SPAG6: variants seen among roughly 807,000 people sequenced by gnomAD.
The protein encoded by SPAG6 is sperm-associated antigen 6.
A neutral mutation model predicts 58.5 loss-of-function variants in SPAG6; 49 were observed. The ratio of observed to expected loss-of-function variants is 0.84; its 90% CI spans 0.67 to 1.06. The LOEUF is 1.06. SPAG6 is among the 50% of genes least tolerant of loss of function. The pLI, the probability that SPAG6 is intolerant of heterozygous loss-of-function variation, is 0.00. For missense variants in SPAG6, 560 were observed against 611.3 expected, an observed-to-expected ratio of 0.92 and a Z score of 0.89; for synonymous variants, 233 against 225.6, an observed-to-expected ratio of 1.03 and a Z score of -0.29.
At chr10:22,351,679 G>C (rs1232931948) in intron 2 of SPAG6, among the ~76,000 whole-genome samples, 5 of 152,150 alleles carry the variant, frequency 3.3e-5, no homozygotes, top group Non-Finnish European at 7.4e-5. Context: ...TTGAGTGGTT[G>C]TACTAGCCTT....
chr10:22,346,430 G>C (rs971383077), intron 2 of SPAG6, among the ~76,000 whole-genome samples: 14 of 95,920 alleles, frequency 1.5e-4, no homozygotes, highest in Admixed American at 6.6e-4. Flanking sequence ...AGAGAAAATG[G>C]TTCTTCTTCT....
At position 22,391,913 on chromosome 10, in the gene SPAG6, A is replaced by G. The variant is rs780069848; in HGVS notation, c.1190A>G (p.Gln397Arg). The G allele has an allele frequency of 6.2e-7, 1 of 1,606,384 alleles. No individual in the cohort carries two copies. Among genetic ancestry groups the G allele is most frequent in the South Asian group, 1.1e-5 (1 of 90,534 alleles). ...TCAACAGAAAGTTCTGAGGATCTCC[A>G]AGTAAAAGTAAGTGCTTAATTCTGT... ...YMSTESSEDLQVKSKKAIKNI... is the reference protein window; with the variant it reads ...YMSTESSEDLRVKSKKAIKNI... Residue 397 changes from glutamine (Q) to arginine (R), a missense_variant, in exon 8 of 11, where the codon CAA (glutamine) becomes CGA (arginine). Gln to Arg is a conservative substitution (Grantham distance 43). Transcript: ENST00000376624.
At chr10:22,380,975 C>T (rs922313583) in intron 4 of SPAG6, among the ~76,000 whole-genome samples, 17 of 151,834 alleles carry the variant, frequency 1.1e-4, no homozygotes, top group Non-Finnish European at 2.2e-4. Flanking sequence ...CACTTGTTTG[C>T]TCAAATTCTT....
chr10:22,385,875 T>C (rs181503082), intron 4 of SPAG6, among the ~76,000 whole-genome samples: 1 of 152,176 alleles, frequency 6.6e-6, no homozygotes, highest in East Asian at 1.9e-4. Context: ...ATTCCAGAAA[T>C]GGGTGTCTGT....
intron 4 of SPAG6, among the ~76,000 whole-genome samples, chr10:22,380,871 G>T (rs1178143678): frequency 6.6e-6 from 1 of 151,778 alleles, no homozygotes; most frequent in Non-Finnish European, 1.5e-5. Context: ...TTCCAGAGGA[G>T]TTTTTTTTAA....
At chr10:22,365,977 A>G (rs1455744719) in intron 3 of SPAG6, among the ~76,000 whole-genome samples, 2 of 152,202 alleles carry the variant, frequency 1.3e-5, no homozygotes, top group African/African-American at 4.8e-5. Context: ...GGAATGTAAA[A>G]TGGGGGAAAC....
chr10:22,356,711 T>C (rs1428867931), intron 2 of SPAG6, among the ~76,000 whole-genome samples: 2 of 152,254 alleles, frequency 1.3e-5, no homozygotes, highest in South Asian at 4.1e-4. Context: ...CTTCTGAATA[T>C]CTCCTTAGAC....
At chr10:22,412,204 T>C (rs1012919979) in intron 10 of SPAG6, among the ~76,000 whole-genome samples, 12 of 152,152 alleles carry the variant, frequency 7.9e-5, no homozygotes, top group African/African-American at 2.9e-4. Flanking sequence ...TAAAGGCATA[T>C]TTATCTGTAT....
At position 22,401,195 on chromosome 10, in the gene SPAG6, G is replaced by T; in HGVS notation, c.1232G>T (p.Cys411Phe). 9 of 1,602,450 alleles carry T rather than the reference G, an allele frequency of 5.6e-6. 1 individual carries two copies. The highest frequency in any genetic ancestry group is 7.7e-6 in the Non-Finnish European group (9 of 1,169,720). ...GCCATAAAGAATATCCTGCAAAAAT[G>T]TACCTACTTACCAGCCCTTGAACCA... is the stretch of plus-strand genomic sequence containing the variant. ...KKAIKNILQK[C>F]TYLPALEPFL... Residue 411 changes from cysteine to phenylalanine, a missense_variant, in exon 9 of 11, where the codon TGT becomes TTT. Transcript: ENST00000376624.
At chr10:22,346,430 G>GTTCCTCTTC (rs1836531776) in intron 2 of SPAG6, among the ~76,000 whole-genome samples, 1 of 95,920 alleles carries the variant, frequency 1.0e-5, no homozygotes, top group Non-Finnish European at 2.2e-5. Flanking sequence ...AGAGAAAATG[G>GTTCCTCTTC]TTCTTCTTCT....
chr10:22,379,329 A>G (rs2132070320), intron 4 of SPAG6, among the ~76,000 whole-genome samples: 1 of 152,244 alleles, frequency 6.6e-6, no homozygotes, highest in Non-Finnish European at 1.5e-5. Context: ...TCTTATTCAC[A>G]TCCTTGTGTA....
chr10:22,355,144 A>G (rs1468342457), intron 2 of SPAG6, among the ~76,000 whole-genome samples: 1 of 152,214 alleles, frequency 6.6e-6, no homozygotes, highest in East Asian at 1.9e-4. Flanking sequence ...ATACATTCCA[A>G]ACCTGGCACA....
At chr10:22,409,421 G>T (rs1303544273) in intron 9 of SPAG6, among the ~76,000 whole-genome samples, 1 of 152,122 alleles carries the variant, frequency 6.6e-6, no homozygotes, top group Non-Finnish European at 1.5e-5. Context: ...TTTGTTAAAT[G>T]CCTACATGTA....
chr10:22,375,416 T>A (rs918333030), intron 4 of SPAG6, among the ~76,000 whole-genome samples: 1 of 152,136 alleles, frequency 6.6e-6, no homozygotes, highest in Non-Finnish European at 1.5e-5. Flanking sequence ...TTCCCATAGA[T>A]TTTTAAATCC....
intron 8 of SPAG6, among the ~76,000 whole-genome samples, chr10:22,400,724 C>A (rs531652345): frequency 6.6e-6 from 1 of 151,946 alleles, no homozygotes; most frequent in Non-Finnish European, 1.5e-5. Context: ...GCCATGAAGT[C>A]ATGGAGAATA....
intron 2 of SPAG6, among the ~76,000 whole-genome samples, chr10:22,362,132 ATATT>A (rs1322084073): frequency 6.9e-5 from 10 of 145,542 alleles, no homozygotes; most frequent in African/African-American, 2.5e-4. Context: ...TGTATTTTAT[ATATT>A]TATTTTATGT....
In SPAG6 at chr10:22,389,262, T is replaced by A. The variant is rs756774841; in HGVS notation, c.955T>A (p.Tyr319Asn). 6 of 1,612,698 alleles carry A rather than the reference T, an allele frequency of 3.7e-6. No individual in the cohort carries two copies. In the East Asian group the frequency reaches 1.1e-4, roughly 30 times the overall value. ...TRLPGIMMLG[Y>N]VAAHSENLAM... Reference sequence around the variant, plus strand: ...GCTGCCTGGCATCATGATGCTTGGTTATGTAGCAGCTCATTCTGAGAACCT... The same window carrying A: ...GCTGCCTGGCATCATGATGCTTGGTAATGTAGCAGCTCATTCTGAGAACCT... The change falls in exon 7 of 11, where the codon TAT (tyrosine) becomes AAT (asparagine). Residue 319 changes from tyrosine to asparagine, a missense_variant. Physicochemically the swap from Tyr to Asn is moderately radical, Grantham distance 143. Transcript: ENST00000376624.
intron 4 of SPAG6, among the ~76,000 whole-genome samples, chr10:22,371,547 G>A (rs772861796): frequency 2.8e-4 from 42 of 152,152 alleles, no homozygotes; most frequent in Admixed American, 2.2e-3. Context: ...TACTGCGTCC[G>A]GCTTTTGTTT....
At chr10:22,408,650 G>A (rs1470024965) in intron 9 of SPAG6, among the ~76,000 whole-genome samples, 2 of 152,168 alleles carry the variant, frequency 1.3e-5, no homozygotes, top group Non-Finnish European at 2.9e-5. Flanking sequence ...TCCTTGAGCT[G>A]TGGTGGGCTG....
Sources: allele counts gnomAD v4.1 joint callset (sites outside exome capture counted in the v4.1 genomes callset), GRCh38; gene constraint gnomAD v4.1.1; transcripts MANE v1.5; gene names NCBI Gene and HGNC (gene_info 2026-07-23, HGNC 2026-07-21).